Variants in PIEZO1 observed in about 807,000 individuals in gnomAD.
PIEZO1 encodes the protein piezo-type mechanosensitive ion channel component 1.
Under a neutral mutation model 297.2 loss-of-function variants are expected in PIEZO1, and 296 were observed. The ratio of observed to expected loss-of-function variants is 1.00; its 90% CI spans 0.91 to 1.10. The LOEUF (loss-of-function observed/expected upper bound fraction) is 1.10. PIEZO1 is among the 50% of genes least tolerant of loss of function. PIEZO1 has a pLI of 0.00. For synonymous variants in PIEZO1, 2,427 were observed against 1,507.5 expected (o/e 1.61, Z -14.13); for missense variants, 5,018 against 3,455.5 (o/e 1.45, Z -11.34).
Position 88,715,527 on chromosome 16 carries a change from G to C in PIEZO1, c.*78C>G. 4 of 1,413,660 alleles carry C rather than the reference G, an allele frequency of 2.8e-6. No homozygotes were observed. The highest frequency in any genetic ancestry group is 1.3e-5 in the South Asian group (1 of 76,850). 87.6% of individuals were successfully genotyped at this position (1,413,660 alleles called of 1,614,324 possible). A position where few individuals can be genotyped will look rare whatever the true frequency, so the allele number is the denominator to read the frequency against. The stretch of plus-strand genomic sequence containing the variant: ...CCTTGGACGGGGCAGTGGCTCCCCC[G>C]GCCTGAGGAGTGCCGCCCCTTGTGG... On this transcript the variant is annotated 3_prime_UTR_variant, in exon 51 of 51. Transcript: ENST00000301015.
chr16:88,764,607 C>T (rs112707121), intron 1 of PIEZO1, among the ~76,000 whole-genome samples: 597 of 151,956 alleles, frequency 3.9e-3, no homozygotes, highest in Non-Finnish European at 6.6e-3. Context: ...AAAAATTAGC[C>T]GGGCATGGTG....
chr16:88,750,960 C>A (rs989256668), intron 1 of PIEZO1, among the ~76,000 whole-genome samples: 2 of 152,152 alleles, frequency 1.3e-5, no homozygotes, highest in Admixed American at 1.3e-4. Flanking sequence ...AGACCCCTGG[C>A]TGCTGCTCCC....
intron 1 of PIEZO1, among the ~76,000 whole-genome samples, chr16:88,768,765 C>T (rs1597484828): frequency 2.0e-5 from 3 of 152,264 alleles, no homozygotes. Flanking sequence ...GGCCCTGCTC[C>T]CTTCTAGGCC....
intron 2 of PIEZO1, chr16:88,742,928 G>T (rs545100793): frequency 5.2e-6 from 2 of 387,016 alleles, no homozygotes; most frequent in Admixed American, 5.6e-5. Context: ...GCCTCCCTGG[G>T]GCTGAGGGGC....
chr16:88,721,576 G>A lies in PIEZO1; in HGVS notation c.5365C>T (p.Gln1789Ter). 4 of 1,550,246 alleles carry A rather than the reference G, an allele frequency of 2.6e-6. No homozygotes were observed. Among genetic ancestry groups the A allele is most frequent in the South Asian group, 1.2e-5 (1 of 84,050 alleles). ...CGGTGGAAGAAAAGGGCCATGAGCTGCACCAGGTCGTACTTGATGTAGCCG... is the reference window on the plus strand; with the variant it reads ...CGGTGGAAGAAAAGGGCCATGAGCTACACCAGGTCGTACTTGATGTAGCCG... The part of the protein sequence containing the change: ...TDGYIKYDLV[Q>*]LMALFFHRSQ... The change falls in exon 38 of 51, where the codon CAG (glutamine) becomes TAG (stop). Residue 1789 changes from glutamine to a stop codon, truncating the protein, a stop_gained. Transcript: ENST00000301015. LOFTEE classifies it high-confidence loss of function.
intron 35 of PIEZO1, 67 bp downstream of exon 35, chr16:88,722,516 G>C (rs1004611821): frequency 5.6e-6 from 8 of 1,431,322 alleles, no homozygotes; most frequent in Admixed American, 2.4e-5. Context: ...GGCGAGGGTC[G>C]GGGATGGCTA....
Position 88,737,789 on chromosome 16 carries a change from T to C in PIEZO1, c.1046A>G (p.Glu349Gly). 6.5e-7 allele frequency: 1 copy of C among 1,535,788 alleles called. No homozygotes were observed. The highest frequency in any genetic ancestry group is 1.2e-5 in the South Asian group (1 of 84,062). Residue 349 changes from glutamate (E) to glycine (G), a missense_variant, in exon 9 of 51, where the codon GAG becomes GGG. Coordinates refer to ENST00000301015, the MANE Select transcript of PIEZO1 (RefSeq NM_001142864.4). ...CTCTGCTAGCTCCAGCTCCCGAGCC[T>C]CATACCCCTTTGCCGCCTCCTTCCT... The part of the protein sequence containing the change: ...GQRKEAAKGY[E>G]ARELELAELD...
rs149174990 is a variant in PIEZO1 at position 88,744,092 on chromosome 16, T to A, written c.161-1670A>T. 5.1e-3 allele frequency: 872 copies of A among 171,278 alleles called. 6 individuals are homozygous for A. The highest frequency in any genetic ancestry group is 0.02 in the African/African-American group (824 of 41,892). The allele number at this position is 171,278 out of a possible 1,614,324, so 10.6% of individuals were successfully genotyped here. ...GGCTCATACCTGCCGCGCCAGCCCC[T>A]CTTCAGCAGAGCACAAGTCTGGCAG... is the stretch of plus-strand genomic sequence containing the variant. On this transcript the variant is annotated intron_variant, in intron 2 of 50. Transcript: ENST00000301015.
chr16:88,716,806 C>T lies in PIEZO1; in HGVS notation c.6753G>A (p.Pro2251=), dbSNP rs566030788. ...EELSRQFDPQ[P]LAMQFISQYS... is the part of the protein sequence containing the mutation. ...CTTTCACAGGGCAGAGGCCACTTAC[C>T]GGCTGGGGGTCAAACTGCCGGGACA... The change falls in exon 46 of 51, where the codon CCG becomes CCA. Residue 2251 remains proline (P), a splice_region_variant and synonymous_variant. Transcript: ENST00000301015. 4.1e-5 allele frequency: 63 copies of T among 1,549,942 alleles called. No homozygotes were observed. In the South Asian group the frequency reaches 4.5e-4, roughly 11 times the overall value.
At chr16:88,728,372 C>A (rs1426905838) in intron 22 of PIEZO1, among the ~76,000 whole-genome samples, 1 of 152,236 alleles carries the variant, frequency 6.6e-6, no homozygotes, top group African/African-American at 2.4e-5. Context: ...ACAGAGGGAA[C>A]CTCGCGACAC....
rs771160328 is a variant in PIEZO1 at position 88,732,722 on chromosome 16, T to C, written c.2675A>G (p.Asn892Ser). Reference sequence around the variant, plus strand: ...CTCCGTGGGCAGCAAGTTGGTGCTGTTGGGGAAGGGCTGGCAAGAGGCCAG... The same window carrying C: ...CTCCGTGGGCAGCAAGTTGGTGCTGCTGGGGAAGGGCTGGCAAGAGGCCAG... The part of the protein sequence containing the change: ...YSSNCTEPFP[N>S]STNLLPTEIS... Residue 892 changes from asparagine (N) to serine (S), a missense_variant, in exon 20 of 51, where the codon AAC becomes AGC. By Grantham distance (46) the Asn-to-Ser change is conservative. Coordinates refer to ENST00000301015, the MANE Select transcript of PIEZO1 (RefSeq NM_001142864.4). The C allele has an allele frequency of 1.9e-6, 3 of 1,547,240 alleles. No individual in the cohort carries two copies. The highest frequency in any genetic ancestry group is 2.4e-5 in the South Asian group (2 of 83,802).
chr16:88,765,191 C>T (rs557247972), intron 1 of PIEZO1, among the ~76,000 whole-genome samples: 40 of 152,346 alleles, frequency 2.6e-4, no homozygotes, highest in Non-Finnish European at 4.7e-4. Flanking sequence ...CTAGGGACTT[C>T]CCCGGCACTC....
At chr16:88,717,806 T>C (rs1250007397) in intron 44 of PIEZO1, 3 of 450,198 alleles carry the variant, frequency 6.7e-6, no homozygotes, top group Non-Finnish European at 1.3e-5. Flanking sequence ...CTAGCCAATG[T>C]ATCTGCAGAA....
At chr16:88,769,276 T>A (rs1308451018) in intron 1 of PIEZO1, among the ~76,000 whole-genome samples, 1 of 152,152 alleles carries the variant, frequency 6.6e-6, no homozygotes, top group African/African-American at 2.4e-5. Context: ...GCTCTCAAAC[T>A]CCTGGCCTCA....
At chr16:88,759,906 G>A (rs868600767) in intron 1 of PIEZO1, among the ~76,000 whole-genome samples, 9 of 152,180 alleles carry the variant, frequency 5.9e-5, no homozygotes, top group African/African-American at 1.9e-4. Context: ...AGGGGACCTG[G>A]GGGGCTCCCC....
At chr16:88,746,799 G>A (rs1208407884) in intron 2 of PIEZO1, among the ~76,000 whole-genome samples, 1 of 152,196 alleles carries the variant, frequency 6.6e-6, no homozygotes, top group Admixed American at 6.5e-5. Context: ...TTCCCCCACT[G>A]CTGATTAAAG....
At position 88,721,595 on chromosome 16, in the gene PIEZO1, G is replaced by A. The variant is rs1362356359; in HGVS notation, c.5346C>T (p.Tyr1782=). ...TGAGCTGCACCAGGTCGTACTTGAT[G>A]TAGCCGTCAGTCTTCTCCAGGCCCA... ...RILGLEKTDG[Y]IKYDLVQLMA... Residue 1782 remains tyrosine (Y), a synonymous_variant, in exon 38 of 51, where the codon TAC becomes TAT. Coordinates refer to ENST00000301015, the MANE Select transcript of PIEZO1 (RefSeq NM_001142864.4). 3 of 1,550,190 alleles carry A rather than the reference G, an allele frequency of 1.9e-6. No homozygotes were observed. The highest frequency in any genetic ancestry group is 2.6e-6 in the Non-Finnish European group (3 of 1,146,926).
Position 88,721,801 on chromosome 16 carries a change from G to T in PIEZO1, c.5214+7C>A, listed in dbSNP as rs764990602. The T allele has an allele frequency of 1.3e-6, 2 of 1,539,076 alleles. No homozygotes were observed. The highest frequency in any genetic ancestry group is 8.7e-7 in the Non-Finnish European group (1 of 1,143,126). On this transcript the variant is annotated splice_region_variant and intron_variant, in intron 37 of 50. Coordinates refer to ENST00000301015, the MANE Select transcript of PIEZO1 (RefSeq NM_001142864.4). ...CGGGCGCCCCCTCCCCCGCGGCCTCGGCCCACCTCGGTGAAGACGATGGCC... is the reference window on the plus strand; with the variant it reads ...CGGGCGCCCCCTCCCCCGCGGCCTCTGCCCACCTCGGTGAAGACGATGGCC...
chr16:88,751,222 C>T (rs1037104723), intron 1 of PIEZO1, among the ~76,000 whole-genome samples: 10 of 152,284 alleles, frequency 6.6e-5, no homozygotes, highest in South Asian at 4.1e-4. Context: ...TTAGAGGAGG[C>T]GCAGGGCAGA....
Sources: allele counts gnomAD v4.1 joint callset (sites outside exome capture counted in the v4.1 genomes callset), GRCh38; gene constraint gnomAD v4.1.1; transcripts MANE v1.5; gene names NCBI Gene and HGNC (gene_info 2026-07-23, HGNC 2026-07-21).